Variants in GNPTG observed in about 807,000 individuals in gnomAD.
GNPTG encodes the protein N-acetylglucosamine-1-phosphotransferase subunit gamma.
Under a neutral mutation model 43.8 loss-of-function variants are expected in GNPTG, and 46 were observed. The observed-to-expected ratio is 1.05, with a 90% CI of 0.83 to 1.34. GNPTG has a LOEUF of 1.34. Among genes scored for constraint, GNPTG ranks in the 40% most tolerant of loss-of-function variants. The probability of loss-of-function intolerance (pLI) is 0.00; values close to 1 mark genes in which losing one functional copy is unlikely to be tolerated. For missense variants in GNPTG, 549 were observed against 411.3 expected (o/e 1.33, Z -2.90); for synonymous variants, 250 against 172.8 (o/e 1.45, Z -3.50).
chr16:1,355,286 A>G (rs1289935510), intron 3 of GNPTG, among the ~76,000 whole-genome samples: 3 of 152,182 alleles, frequency 2.0e-5, no homozygotes, highest in South Asian at 2.1e-4. Flanking sequence ...CGCTCCTTCA[A>G]CATCAACGTG....
At chr16:1,353,257 G>A (rs1296057179) in intron 3 of GNPTG, among the ~76,000 whole-genome samples, 3 of 152,316 alleles carry the variant, frequency 2.0e-5, no homozygotes, top group East Asian at 3.9e-4. Flanking sequence ...GATTATAGGC[G>A]TGAGCCACCG....
Position 1,352,012 on chromosome 16 carries a change from C to T in GNPTG, c.47C>T (p.Ala16Val). The T allele has an allele frequency of 6.8e-7, 1 of 1,464,734 alleles. No individual in the cohort carries two copies. The highest frequency in any genetic ancestry group is 9.0e-7 in the Non-Finnish European group (1 of 1,113,480). 90.7% of individuals were successfully genotyped at this position (1,464,734 alleles called of 1,614,324 possible). A position where few individuals can be genotyped will look rare whatever the true frequency, so the allele number is the denominator to read the frequency against. ...ARLLLLLGLS[A>V]GGPAPAGAAK... ...CTCCTGTTGCTCCTCGGGCTCTCGG[C>T]CGGCGGTGAGTGGCCCGGCCGTCCG... is the stretch of plus-strand genomic sequence containing the variant. The change falls in exon 1 of 11, where the codon GCC becomes GTC. Residue 16 changes from alanine (A) to valine (V), a missense_variant. Ala to Val is a moderately conservative substitution (Grantham distance 64). Transcript: ENST00000204679.
chr16:1,363,189 GAGA>G lies in GNPTG; in HGVS notation c.*101_*103del, dbSNP rs2034972444. The stretch of plus-strand genomic sequence containing the variant: ...GACCAGCTGACCAGGCTTGTGCTCA[GAGA>G]AGCAGACAAAACAAAGATTCAAGGT... On this transcript the variant is annotated 3_prime_UTR_variant, in exon 11 of 11. Transcript: ENST00000204679. 3 of 995,136 alleles carry G rather than the reference GAGA, an allele frequency of 3.0e-6. No individual in the cohort carries two copies. In the African/African-American group the frequency reaches 4.8e-5, roughly 16 times the overall value. 61.6% of individuals were successfully genotyped at this position (995,136 alleles called of 1,614,324 possible). A position where few individuals can be genotyped will look rare whatever the true frequency, so the allele number is the denominator to read the frequency against.
chr16:1,355,029 G>T (rs926177455), intron 3 of GNPTG, among the ~76,000 whole-genome samples: 1 of 152,068 alleles, frequency 6.6e-6, no homozygotes, highest in African/African-American at 2.4e-5. Flanking sequence ...ATCGTCTCCC[G>T]CATGTGCGGG....
At chr16:1,359,637 A>C (rs540841048) in intron 3 of GNPTG, among the ~76,000 whole-genome samples, 22 of 152,164 alleles carry the variant, frequency 1.4e-4, no homozygotes, top group Non-Finnish European at 3.1e-4. Context: ...TTTTGGAATC[A>C]GTATGTACGA....
intron 3 of GNPTG, among the ~76,000 whole-genome samples, chr16:1,356,864 A>C (rs2034785258): frequency 6.6e-6 from 1 of 151,596 alleles, no homozygotes; most frequent in East Asian, 2.0e-4. Flanking sequence ...GGAGTGTGAG[A>C]GCGGGAATCT....
rs773290124 is a variant in GNPTG at position 1,362,476 on chromosome 16, T to A, written c.551T>A (p.Leu184Gln). ...LLVYPTLPEALQRQWDQVEQD... is the reference protein window; with the variant it reads ...LLVYPTLPEAQQRQWDQVEQD... ...GTGTACCCAACCCTGCCAGAGGCCC[T>A]GCAGCGGCAGTGGGACCAGGTAGAG... The change falls in exon 8 of 11, where the codon CTG (leucine) becomes CAG (glutamine). Residue 184 changes from leucine (L) to glutamine (Q), a missense_variant. Transcript: ENST00000204679. 2.0e-4 allele frequency: 330 copies of A among 1,613,934 alleles called. No individual in the cohort carries two copies. Among genetic ancestry groups the A allele is most frequent in the Non-Finnish European group, 2.7e-4 (314 of 1,180,000 alleles).
rs187941171 is a variant in GNPTG at position 1,357,438 on chromosome 16, A to G, written c.179-4305A>G. ...GTGGCATCTGGCTCCTGGGCTGGCC[A>G]GATTCCCAGGGAACAGTCACCCAGC... On this transcript the variant is annotated intron_variant, in intron 3 of 10. Transcript: ENST00000204679. Among the ~76,000 whole-genome samples, 8 of 152,256 alleles carry G rather than the reference A, an allele frequency of 5.3e-5. No homozygotes were observed. In the East Asian group the frequency reaches 1.2e-3, roughly 22 times the overall value.
At chr16:1,352,700 A>G (rs1187373682) in intron 3 of GNPTG, among the ~76,000 whole-genome samples, 1 of 152,036 alleles carries the variant, frequency 6.6e-6, no homozygotes. Context: ...GGGACGCTTC[A>G]TGGTGATGAT....
intron 3 of GNPTG, among the ~76,000 whole-genome samples, chr16:1,353,242 G>A (rs2034716473): frequency 6.6e-6 from 1 of 152,208 alleles, no homozygotes; most frequent in African/African-American, 2.4e-5. Flanking sequence ...CTCCAAAAGT[G>A]CTGGGATTAT....
At chr16:1,358,440 C>T (rs556839182) in intron 3 of GNPTG, 2 of 152,286 alleles carry the variant, frequency 1.3e-5, no homozygotes, top group African/African-American at 4.8e-5. Context: ...TGGAGGCTCT[C>T]AGTGCTTCCT....
Position 1,362,652 on chromosome 16 carries a change from C to T in GNPTG, c.651C>T (p.Gly217=), listed in dbSNP as rs201844106. The change falls in exon 9 of 11, where the codon GGC becomes GGT. Residue 217 remains glycine, a synonymous_variant. Transcript: ENST00000204679. ...TGAGGACACTTTTTGAGGATGCTGGCTACTTAAAGACCCCAGAAGAAAATG... is the reference window on the plus strand; with the variant it reads ...TGAGGACACTTTTTGAGGATGCTGGTTACTTAAAGACCCCAGAAGAAAATG... ...KLLRTLFEDA[G]YLKTPEENEP... 3 of 1,614,132 alleles carry T rather than the reference C, an allele frequency of 1.9e-6. No individual in the cohort carries two copies. The highest frequency in any genetic ancestry group is 2.5e-6 in the Non-Finnish European group (3 of 1,180,022).
At position 1,363,351 on chromosome 16, in the gene GNPTG, A is replaced by G. The variant is rs144083031; in HGVS notation, c.*260A>G. Reference sequence around the variant, plus strand: ...CTACAAGTAAATGATTATAAATACTACCTTCTGGGTTAAGAAAATTCCATT... The same window carrying G: ...CTACAAGTAAATGATTATAAATACTGCCTTCTGGGTTAAGAAAATTCCATT... On this transcript the variant is annotated 3_prime_UTR_variant, in exon 11 of 11. Coordinates refer to ENST00000204679, the MANE Select transcript of GNPTG (RefSeq NM_032520.5). 1.3e-5 allele frequency: 6 copies of G among 477,324 alleles called. No individual in the cohort carries two copies. Among genetic ancestry groups the G allele is most frequent in the African/African-American group, 1.2e-4 (6 of 51,176 alleles). 29.6% of individuals were successfully genotyped at this position (477,324 alleles called of 1,614,324 possible). A position where few individuals can be genotyped will look rare whatever the true frequency, so the allele number is the denominator to read the frequency against.
Position 1,362,327 on chromosome 16 carries a change from G to A in GNPTG, c.526+7G>A, listed in dbSNP as rs775426073. On this transcript the variant is annotated splice_region_variant and intron_variant, in intron 7 of 10. Coordinates refer to ENST00000204679, the MANE Select transcript of GNPTG (RefSeq NM_032520.5). Reference sequence around the variant, plus strand: ...CACCCCCACGCCTTGCTAGGTAGGGGTGCGGGACGCAGTTGAGCCCAGTGG... The same window carrying A: ...CACCCCCACGCCTTGCTAGGTAGGGATGCGGGACGCAGTTGAGCCCAGTGG... The A allele has an allele frequency of 3.7e-6, 6 of 1,612,342 alleles. No individual in the cohort carries two copies. Among genetic ancestry groups the A allele is most frequent in the East Asian group, 2.2e-5 (1 of 44,894 alleles).
At chr16:1,356,958 T>G in intron 3 of GNPTG, among the ~76,000 whole-genome samples, 1 of 148,270 alleles carries the variant, frequency 6.7e-6, no homozygotes. Context: ...GGTGGCGGTC[T>G]GCGGGCAGGA....
rs779356410 is a variant in GNPTG at position 1,362,818 on chromosome 16, T to G, written c.742-7T>G. ...GCTTTCCCTTGAACTCTTTTTGTGG[T>G]TGGTAGGCTCATAAAGAACTCTCAA... On this transcript the variant is annotated splice_polypyrimidine_tract_variant and splice_region_variant and intron_variant, in intron 9 of 10. Coordinates refer to ENST00000204679, the MANE Select transcript of GNPTG (RefSeq NM_032520.5). 7 of 1,613,790 alleles carry G rather than the reference T, an allele frequency of 4.3e-6. No individual in the cohort carries two copies. The highest frequency in any genetic ancestry group is 4.0e-5 in the African/African-American group (3 of 74,868).
chr16:1,354,580 C>A (rs1443450886), intron 3 of GNPTG, among the ~76,000 whole-genome samples: 1 of 44,604 alleles, frequency 2.2e-5, no homozygotes, highest in African/African-American at 9.4e-5. Context: ...AGCAAGACTT[C>A]GTCTCAAAAA....
At chr16:1,354,585 CAAAAAAAAAA>C (rs869067502) in intron 3 of GNPTG, among the ~76,000 whole-genome samples, 5 of 44,376 alleles carry the variant, frequency 1.1e-4, no homozygotes, top group South Asian at 1.6e-3. Flanking sequence ...GACTTCGTCT[CAAAAAAAAAA>C]AAAAAAAAAA....
intron 3 of GNPTG, among the ~76,000 whole-genome samples, chr16:1,355,159 G>C (rs1259265718): frequency 6.6e-6 from 1 of 151,224 alleles, no homozygotes; most frequent in South Asian, 2.1e-4. Flanking sequence ...GGTCTCCCGC[G>C]TCTGTGGGGT....
Sources: gnomAD v4.1 joint callset for allele counts (sites outside exome capture counted in the v4.1 genomes callset) on GRCh38, gnomAD v4.1.1 for gene constraint, MANE v1.5 for transcripts, NCBI Gene and HGNC (gene_info 2026-07-23, HGNC 2026-07-21) for gene names.